Variants in TENM3 observed in about 807,000 individuals in gnomAD.
TENM3 encodes teneurin transmembrane protein 3.
Under a neutral mutation model 255.1 loss-of-function variants are expected in TENM3, and 63 were observed. The ratio of observed to expected loss-of-function variants is 0.25; its 90% CI spans 0.20 to 0.30. The LOEUF (loss-of-function observed/expected upper bound fraction) is 0.30. TENM3 is among the 10% of genes least tolerant of loss of function. The probability of loss-of-function intolerance (pLI) is 1.00; values close to 1 mark genes in which losing one functional copy is unlikely to be tolerated. For synonymous variants in TENM3, 1,306 were observed against 1,322.3 expected (o/e 0.99, Z 0.27); for missense variants, 2,929 against 3,461.1 (o/e 0.85, Z 3.86).
At chr4:182,750,567 A>G (rs1280147436) in intron 19 of TENM3, among the ~76,000 whole-genome samples, 1 of 152,198 alleles carries the variant, frequency 6.6e-6, no homozygotes, top group Admixed American at 6.5e-5. Flanking sequence ...GTTTTATTAG[A>G]ACCTAACCTC....
intron 3 of TENM3, among the ~76,000 whole-genome samples, chr4:182,577,273 T>A (rs2152042337): frequency 6.6e-6 from 1 of 152,290 alleles, no homozygotes; most frequent in South Asian, 2.1e-4. Context: ...AAATATAGTG[T>A]AGTAGGGAGG....
At chr4:181,664,488 AAAC>A in the TENM3 span, among the ~76,000 whole-genome samples, 4 of 101,196 alleles carry the variant, frequency 4.0e-5, no homozygotes, top group African/African-American at 1.8e-4. Flanking sequence ...AAAAAAAACA[AAAC>A]AAAAAAATAG....
At chr4:182,518,235 C>T (rs918953602) in intron 3 of TENM3, among the ~76,000 whole-genome samples, 1 of 152,252 alleles carries the variant, frequency 6.6e-6, no homozygotes, top group East Asian at 1.9e-4. Context: ...TAGAAGGTGA[C>T]TGTGATAGGC....
intron 3 of TENM3, among the ~76,000 whole-genome samples, chr4:182,377,032 G>C (rs17073199): frequency 3.3e-5 from 5 of 152,242 alleles, no homozygotes; most frequent in African/African-American, 1.2e-4. Flanking sequence ...TGTTGTCCCA[G>C]TGTAATCCGT....
At chr4:182,272,366 A>C (rs1759700427) in intron 1 of TENM3, among the ~76,000 whole-genome samples, 1 of 152,174 alleles carries the variant, frequency 6.6e-6, no homozygotes, top group Non-Finnish European at 1.5e-5. Context: ...CCTAGAGTTG[A>C]TTTACTACAG....
intron 1 of TENM3, among the ~76,000 whole-genome samples, chr4:182,176,164 G>A (rs1752478037): frequency 6.6e-6 from 1 of 152,174 alleles, no homozygotes; most frequent in Admixed American, 6.5e-5. Context: ...AATGAGTGTA[G>A]GGCCTCGTCT....
chr4:182,796,795 G>A (rs1395932781), intron 27 of TENM3, 28 bp downstream of exon 27: 2 of 1,572,270 alleles, frequency 1.3e-6, no homozygotes, highest in African/African-American at 1.3e-5. Context: ...CTACGGAAAG[G>A]TGATAAGTAG....
At chr4:181,667,521 C>T in the TENM3 span, among the ~76,000 whole-genome samples, 1 of 152,130 alleles carries the variant, frequency 6.6e-6, no homozygotes, top group African/African-American at 2.4e-5. Flanking sequence ...CCTCTGCCCT[C>T]AAGTTGGATT....
chr4:182,035,536 T>TAA, the TENM3 span, among the ~76,000 whole-genome samples: 1 of 152,180 alleles, frequency 6.6e-6, no homozygotes, highest in Non-Finnish European at 1.5e-5. Flanking sequence ...AACAAAACTC[T>TAA]AAAAATTCTG....
intron 22 of TENM3, among the ~76,000 whole-genome samples, chr4:182,770,653 G>A (rs567681100): frequency 9.8e-5 from 15 of 152,322 alleles, no homozygotes; most frequent in African/African-American, 3.1e-4. Flanking sequence ...CTATGTCAGC[G>A]TGAACACATC....
At chr4:181,467,546 T>G in the TENM3 span, among the ~76,000 whole-genome samples, 1 of 152,004 alleles carries the variant, frequency 6.6e-6, no homozygotes, top group African/African-American at 2.4e-5. Flanking sequence ...ATTAAAAAAT[T>G]TAGTATGGTA....
chr4:181,630,342 GTTC>G, the TENM3 span, among the ~76,000 whole-genome samples: 1 of 152,022 alleles, frequency 6.6e-6, no homozygotes, highest in Non-Finnish European at 1.5e-5. Context: ...ATCTCCTTCA[GTTC>G]TTCTCTGATT....
chr4:181,680,858 A>G, the TENM3 span, among the ~76,000 whole-genome samples: 106 of 152,252 alleles, frequency 7.0e-4, no homozygotes, highest in African/African-American at 2.5e-3. Flanking sequence ...GGGAATTTCC[A>G]TCTCAATTAT....
At chr4:182,526,596 C>G (rs1342175359) in intron 3 of TENM3, among the ~76,000 whole-genome samples, 3 of 152,144 alleles carry the variant, frequency 2.0e-5, no homozygotes, top group African/African-American at 7.2e-5. Context: ...GTGTCTGCAA[C>G]CCTCACTAGA....
chr4:182,258,901 C>T (rs1192923929), intron 1 of TENM3, among the ~76,000 whole-genome samples: 1 of 152,146 alleles, frequency 6.6e-6, no homozygotes, highest in East Asian at 1.9e-4. Flanking sequence ...TCCAGAAACT[C>T]GACATTTAAA....
At chr4:182,250,270 T>C (rs934146418) in intron 1 of TENM3, among the ~76,000 whole-genome samples, 7 of 152,138 alleles carry the variant, frequency 4.6e-5, no homozygotes, top group Non-Finnish European at 8.8e-5. Flanking sequence ...GCCAGGATGG[T>C]CTCGATCTCC....
chr4:182,515,320 A>T (rs748243247), intron 3 of TENM3, among the ~76,000 whole-genome samples: 6 of 152,216 alleles, frequency 3.9e-5, no homozygotes, highest in Non-Finnish European at 7.3e-5. Flanking sequence ...TTTGTCAAGG[A>T]TGCATGTTAA....
the TENM3 span, among the ~76,000 whole-genome samples, chr4:181,887,657 G>A: frequency 3.3e-5 from 5 of 152,208 alleles, no homozygotes; most frequent in South Asian, 2.1e-4. Context: ...TCAGTGCTTC[G>A]TATCTGAGAA....
At chr4:182,486,602 T>C (rs544965123) in intron 3 of TENM3, among the ~76,000 whole-genome samples, 1 of 152,212 alleles carries the variant, frequency 6.6e-6, no homozygotes, top group East Asian at 1.9e-4. Flanking sequence ...ATCTTGGTAA[T>C]AGAAATTTTA....
Sources: gnomAD v4.1 joint callset for allele counts (sites outside exome capture counted in the v4.1 genomes callset) on GRCh38, gnomAD v4.1.1 for gene constraint, MANE v1.5 for transcripts, NCBI Gene and HGNC (gene_info 2026-07-23, HGNC 2026-07-21) for gene names.